ARHGEF10: variants seen among roughly 807,000 people sequenced by gnomAD.
ARHGEF10 encodes Rho guanine nucleotide exchange factor 10.
In ARHGEF10, 140 loss-of-function variants were observed where a neutral mutation model predicts 147.4. The observed-to-expected ratio is 0.95, with a 90% CI of 0.83 to 1.09. ARHGEF10 has a LOEUF of 1.09. Among genes scored for constraint, ARHGEF10 ranks in the 50% least tolerant of loss-of-function variants. The pLI, the probability that ARHGEF10 is intolerant of heterozygous loss-of-function variation, is 0.00. For synonymous variants in ARHGEF10, 902 were observed against 695.8 expected, an observed-to-expected ratio of 1.30 and a Z score of -4.67; for missense variants, 2,222 against 1,752.7, an observed-to-expected ratio of 1.27 and a Z score of -4.78.
At chr8:1,824,638 C>A in intron 1 of ARHGEF10, among the ~76,000 whole-genome samples, 1 of 123,866 alleles carries the variant, frequency 8.1e-6, no homozygotes. Context: ...TCCACCAGTT[C>A]CCCGCACCCC....
At chr8:1,906,700 G>A (rs1411443986) in intron 17 of ARHGEF10, among the ~76,000 whole-genome samples, 4 of 152,064 alleles carry the variant, frequency 2.6e-5, no homozygotes, top group Non-Finnish European at 4.4e-5. Flanking sequence ...ACTTTGCCTC[G>A]GACTCCTCAT....
At chr8:1,843,474 G>A (rs1213476541) in intron 2 of ARHGEF10, 38 bp downstream of exon 2, 25 of 1,485,406 alleles carry the variant, frequency 1.7e-5, no homozygotes, top group Non-Finnish European at 2.3e-5. Context: ...GGGTCAGGTT[G>A]TGCTGCTGCT....
chr8:1,903,277 G>A lies in ARHGEF10; in HGVS notation c.1651-4G>A, dbSNP rs747014985. The A allele has an allele frequency of 3.1e-6, 5 of 1,614,074 alleles. No homozygotes were observed. Among genetic ancestry groups the A allele is most frequent in the Non-Finnish European group, 4.2e-6 (5 of 1,180,024 alleles). ...ACTGCCCACCTCTCCCCTGTTGCTT[G>A]TAGGACATGCTGAAGAACACCTCCA... On this transcript the variant is annotated splice_region_variant and splice_polypyrimidine_tract_variant and intron_variant, in intron 15 of 28. Coordinates refer to ENST00000349830, the MANE Select transcript of ARHGEF10 (RefSeq NM_014629.4).
intron 13 of ARHGEF10, among the ~76,000 whole-genome samples, chr8:1,895,423 T>C (rs1809890905): frequency 6.6e-6 from 1 of 152,238 alleles, no homozygotes; most frequent in African/African-American, 2.4e-5. Flanking sequence ...AATGTTTTCC[T>C]ATATAGTTTG....
At chr8:1,905,789 C>G (rs551940151) in intron 17 of ARHGEF10, 73 bp downstream of exon 17, 46 of 1,577,818 alleles carry the variant, frequency 2.9e-5, no homozygotes, top group Admixed American at 3.3e-5. Flanking sequence ...ACATGCATGA[C>G]TTTGTTAATT....
intron 16 of ARHGEF10, among the ~76,000 whole-genome samples, chr8:1,904,780 C>T (rs1221622564): frequency 1.3e-5 from 2 of 152,136 alleles, no homozygotes; most frequent in African/African-American, 2.4e-5. Context: ...CAAAAGACAG[C>T]ACAGACCACC....
chr8:1,864,734 A>G (rs1358013393), intron 5 of ARHGEF10, among the ~76,000 whole-genome samples: 2 of 152,078 alleles, frequency 1.3e-5, no homozygotes, highest in African/African-American at 4.8e-5. Flanking sequence ...TCTCCTTTCT[A>G]TCATGAAGGC....
intron 4 of ARHGEF10, among the ~76,000 whole-genome samples, chr8:1,863,074 C>A (rs969892152): frequency 6.6e-6 from 1 of 152,132 alleles, no homozygotes; most frequent in South Asian, 2.1e-4. Context: ...TGAGCCACCG[C>A]GGCCAGCTGG....
chr8:1,850,664 C>A (rs938364604), intron 2 of ARHGEF10, among the ~76,000 whole-genome samples: 3 of 152,188 alleles, frequency 2.0e-5, no homozygotes, highest in African/African-American at 7.2e-5. Flanking sequence ...TGAGCACACT[C>A]TTACCGTGTG....
At chr8:1,930,494 C>T (rs1474597780) in intron 25 of ARHGEF10, among the ~76,000 whole-genome samples, 1 of 152,016 alleles carries the variant, frequency 6.6e-6, no homozygotes, top group African/African-American at 2.4e-5. Context: ...TTTACCCTCC[C>T]CGCCCCCCCG....
rs1807543951 is a variant in ARHGEF10 at position 1,874,897 on chromosome 8, GCC to G, written c.680-1673_680-1672del. Among the ~76,000 whole-genome samples, 2 of 31,866 alleles carry G rather than the reference GCC, an allele frequency of 6.3e-5. 1 individual carries two copies. Among genetic ancestry groups the G allele is most frequent in the African/African-American group, 2.3e-4 (2 of 8,580 alleles). 20.9% of individuals were successfully genotyped at this position (31,866 alleles called of 152,430 possible). On this transcript the variant is annotated intron_variant, in intron 7 of 28. Transcript: ENST00000349830. The stretch of plus-strand genomic sequence containing the variant: ...GTGGGAGAGTGCAGACACACCCGGG[GCC>G]GTGTAGGGGGTACAGGTTCTAAGAC...
At chr8:1,904,784 G>A (rs938967627) in intron 16 of ARHGEF10, among the ~76,000 whole-genome samples, 5 of 152,108 alleles carry the variant, frequency 3.3e-5, no homozygotes, top group African/African-American at 1.2e-4. Flanking sequence ...AGACAGCACA[G>A]ACCACCGGGG....
At chr8:1,866,665 G>C in intron 6 of ARHGEF10, 63 bp downstream of exon 6, 1 of 1,491,478 alleles carries the variant, frequency 6.7e-7, no homozygotes, top group Non-Finnish European at 9.2e-7. Flanking sequence ...CACTGCGGCG[G>C]GGCCGGGTCC....
intron 27 of ARHGEF10, among the ~76,000 whole-genome samples, chr8:1,947,536 A>AGG (rs1177660964): frequency 2.0e-5 from 3 of 152,144 alleles, no homozygotes; most frequent in Non-Finnish European, 4.4e-5. Flanking sequence ...ACACGATTTA[A>AGG]TAAAACCCAA....
chr8:1,873,987 C>T (rs112613098), intron 7 of ARHGEF10, among the ~76,000 whole-genome samples: 10 of 152,134 alleles, frequency 6.6e-5, no homozygotes, highest in Non-Finnish European at 1.3e-4. Context: ...TTTTTAAATA[C>T]GCGGGGCTAA....
At chr8:1,831,654 C>T (rs1327619464) in intron 1 of ARHGEF10, among the ~76,000 whole-genome samples, 3 of 152,182 alleles carry the variant, frequency 2.0e-5, no homozygotes, top group Admixed American at 6.5e-5. Flanking sequence ...AGTTGGGACG[C>T]GAAGGCTGCT....
intron 28 of ARHGEF10, 94 bp downstream of exon 28, chr8:1,952,921 T>A (rs1401086932): frequency 3.2e-6 from 5 of 1,542,542 alleles, no homozygotes; most frequent in Non-Finnish European, 4.4e-6. Flanking sequence ...CTAGGATTCT[T>A]TAAACAATTC....
At chr8:1,846,323 G>A (rs140945718) in intron 2 of ARHGEF10, among the ~76,000 whole-genome samples, 29 of 152,292 alleles carry the variant, frequency 1.9e-4, no homozygotes, top group African/African-American at 6.7e-4. Context: ...TAACTTTTAC[G>A]ACAAATAGAA....
intron 27 of ARHGEF10, among the ~76,000 whole-genome samples, chr8:1,952,260 A>G (rs1815117802): frequency 6.6e-6 from 1 of 152,202 alleles, no homozygotes. Context: ...ACTCGAGTCC[A>G]GCCGCGCCCA....
Sources: allele counts gnomAD v4.1 joint callset (sites outside exome capture counted in the v4.1 genomes callset), GRCh38; gene constraint gnomAD v4.1.1; transcripts MANE v1.5; gene names NCBI Gene and HGNC (gene_info 2026-07-23, HGNC 2026-07-21).